STX8: variants seen among roughly 807,000 people sequenced by gnomAD.
The protein encoded by STX8 is syntaxin 8.
A neutral mutation model predicts 37.5 loss-of-function variants in STX8; 23 were observed. That is an observed-to-expected ratio of 0.61 (90% CI 0.44 to 0.87). The LOEUF (loss-of-function observed/expected upper bound fraction) is 0.87. Ranked by LOEUF, STX8 falls within the 40% of genes least tolerant of loss-of-function variation. The pLI, the probability that STX8 is intolerant of heterozygous loss-of-function variation, is 0.00. For missense variants in STX8, 313 were observed against 284.7 expected, an observed-to-expected ratio of 1.10 and a Z score of -0.71; for synonymous variants, 115 against 99.1, an observed-to-expected ratio of 1.16 and a Z score of -0.95.
intron 5 of STX8, among the ~76,000 whole-genome samples, chr17:9,498,777 T>C (rs1904507610): frequency 6.6e-6 from 1 of 152,188 alleles, no homozygotes; most frequent in Middle Eastern, 3.2e-3. Flanking sequence ...TAGATGAAGC[T>C]GATGAAGAAA....
At chr17:9,339,065 C>T (rs1007757124) in intron 7 of STX8, among the ~76,000 whole-genome samples, 9 of 126,280 alleles carry the variant, frequency 7.1e-5, no homozygotes, top group African/African-American at 2.3e-4. Context: ...AGCGAGACTC[C>T]GTCTCAAAAA....
intron 3 of STX8, among the ~76,000 whole-genome samples, chr17:9,549,636 G>C (rs918008930): frequency 1.3e-5 from 2 of 152,180 alleles, no homozygotes; most frequent in Admixed American, 6.5e-5. Context: ...CAGAGACTCT[G>C]TAAATCTGGA....
chr17:9,297,103 T>C (rs2142171798), intron 7 of STX8, among the ~76,000 whole-genome samples: 1 of 152,182 alleles, frequency 6.6e-6, no homozygotes, highest in Non-Finnish European at 1.5e-5. Context: ...TGGCATGGTG[T>C]CCAATGCACA....
At chr17:9,439,463 C>T (rs1567561358) in intron 6 of STX8, among the ~76,000 whole-genome samples, 3 of 151,822 alleles carry the variant, frequency 2.0e-5, no homozygotes, top group Non-Finnish European at 4.4e-5. Context: ...CTTATATCTT[C>T]AATAGTCATA....
At chr17:9,530,307 T>C (rs1905764560) in intron 4 of STX8, among the ~76,000 whole-genome samples, 1 of 30,964 alleles carries the variant, frequency 3.2e-5, no homozygotes, top group Non-Finnish European at 7.9e-5. Context: ...TGAGACTCCG[T>C]CTCAAAAAAA....
chr17:9,386,572 C>T (rs911270343), intron 6 of STX8, among the ~76,000 whole-genome samples: 6 of 151,972 alleles, frequency 3.9e-5, no homozygotes, highest in Admixed American at 2.0e-4. Flanking sequence ...AGGGAGCTGG[C>T]AGGCGGGCAG....
At chr17:9,290,351 G>C (rs578167191) in intron 7 of STX8, among the ~76,000 whole-genome samples, 1 of 151,476 alleles carries the variant, frequency 6.6e-6, no homozygotes, top group African/African-American at 2.4e-5. Context: ...GGGCAGGATG[G>C]GGGTGAGTGC....
At chr17:9,289,592 T>C (rs573954070) in intron 7 of STX8, among the ~76,000 whole-genome samples, 43 of 149,800 alleles carry the variant, frequency 2.9e-4, no homozygotes, top group African/African-American at 9.8e-5. Context: ...CTGGCTAACA[T>C]GGTGAAACCC....
At chr17:9,379,826 G>C (rs935695898) in intron 6 of STX8, among the ~76,000 whole-genome samples, 41 of 152,096 alleles carry the variant, frequency 2.7e-4, no homozygotes, top group Non-Finnish European at 2.4e-4. Context: ...AAATTAATCG[G>C]TCATGGTGGC....
At chr17:9,519,840 A>T (rs1032331865) in intron 4 of STX8, among the ~76,000 whole-genome samples, 2 of 131,556 alleles carry the variant, frequency 1.5e-5, no homozygotes, top group African/African-American at 6.0e-5. Context: ...AATTCTATTC[A>T]TTCCCCTAAG....
chr17:9,496,743 G>A (rs1904420052), intron 5 of STX8, among the ~76,000 whole-genome samples: 1 of 152,164 alleles, frequency 6.6e-6, no homozygotes, highest in Admixed American at 6.5e-5. Flanking sequence ...GAAAAGCAGA[G>A]AACCTTTCCC....
chr17:9,423,289 T>A (rs1913509888), intron 6 of STX8, among the ~76,000 whole-genome samples: 1 of 152,204 alleles, frequency 6.6e-6, no homozygotes, highest in African/African-American at 2.4e-5. Flanking sequence ...TTTTTAGAAG[T>A]AATAATGAGG....
At chr17:9,331,662 T>TC (rs1471946738) in intron 7 of STX8, among the ~76,000 whole-genome samples, 1 of 152,226 alleles carries the variant, frequency 6.6e-6, no homozygotes, top group African/African-American at 2.4e-5. Context: ...TCAATTTGCA[T>TC]CGCCAATGCT....
intron 4 of STX8, among the ~76,000 whole-genome samples, chr17:9,516,298 C>CATATTT (rs1905154935): frequency 1.9e-5 from 1 of 51,718 alleles, no homozygotes; most frequent in Non-Finnish European, 3.9e-5. Flanking sequence ...GAACCACAGT[C>CATATTT]ATATATATAT....
At chr17:9,345,802 C>T (rs1394179925) in intron 7 of STX8, among the ~76,000 whole-genome samples, 3 of 128,326 alleles carry the variant, frequency 2.3e-5, no homozygotes, top group Non-Finnish European at 3.2e-5. Context: ...ATGTTTCGAA[C>T]TTTGGATATT....
chr17:9,358,502 C>T lies in STX8; in HGVS notation c.643+20050G>A, dbSNP rs138846225. Among the ~76,000 whole-genome samples the T allele has an allele frequency of 1.3e-3, 193 of 152,286 alleles. 1 individual carries two copies. The highest frequency in any genetic ancestry group is 9.8e-3 in the East Asian group (51 of 5,184). On this transcript the variant is annotated intron_variant, in intron 7 of 7. Coordinates refer to ENST00000306357, the MANE Select transcript of STX8 (RefSeq NM_004853.3). ...TACAAAAGGTATTTTTAAGAGGATG[C>T]GGCAGAATGTATCATAAAGTTATTA...
At chr17:9,350,871 G>A (rs1392203938) in intron 7 of STX8, among the ~76,000 whole-genome samples, 1 of 152,084 alleles carries the variant, frequency 6.6e-6, no homozygotes, top group African/African-American at 2.4e-5. Flanking sequence ...CTATCTTTCA[G>A]GATGAGATAT....
At chr17:9,285,413 T>TTA (rs1316181924) in intron 7 of STX8, among the ~76,000 whole-genome samples, 17 of 108,444 alleles carry the variant, frequency 1.6e-4, no homozygotes, top group African/African-American at 5.6e-4. Flanking sequence ...AAAGTAGTGA[T>TTA]AAAAAAAAAA....
chr17:9,555,595 T>C (rs1437440593), intron 3 of STX8: 3 of 152,100 alleles, frequency 2.0e-5, no homozygotes, highest in African/African-American at 4.8e-5. Context: ...CATCTGAAAC[T>C]ACTAAAAATA....
Sources: gnomAD v4.1 joint callset for allele counts (sites outside exome capture counted in the v4.1 genomes callset) on GRCh38, gnomAD v4.1.1 for gene constraint, MANE v1.5 for transcripts, NCBI Gene and HGNC (gene_info 2026-07-23, HGNC 2026-07-21) for gene names.